SLC66A1: variants seen among roughly 807,000 people sequenced by gnomAD.
SLC66A1 encodes solute carrier family 66 member 1.
A neutral mutation model predicts 33.0 loss-of-function variants in SLC66A1; 23 were observed. That is an observed-to-expected ratio of 0.70 (90% CI 0.50 to 0.99). The LOEUF (loss-of-function observed/expected upper bound fraction) is 0.99, where lower values mean the gene tolerates loss of function less well. SLC66A1 is among the 50% of genes least tolerant of loss of function. The pLI is 0.00. For missense variants in SLC66A1, 335 were observed against 383.6 expected, an observed-to-expected ratio of 0.87 and a Z score of 1.06; for synonymous variants, 164 against 175.5, an observed-to-expected ratio of 0.93 and a Z score of 0.52.
chr1:19,323,133 C>T (rs2093846316), intron 2 of SLC66A1, among the ~76,000 whole-genome samples: 2 of 152,054 alleles, frequency 1.3e-5, no homozygotes, highest in East Asian at 1.9e-4. Context: ...CTTGCCTCAG[C>T]CTCCTGAAGT....
intron 1 of SLC66A1, among the ~76,000 whole-genome samples, 191 bp from the exon 2 acceptor site, chr1:19,317,409 T>C (rs2093811722): frequency 1.3e-5 from 2 of 152,242 alleles, no homozygotes; most frequent in Non-Finnish European, 2.9e-5. Flanking sequence ...TGTCTGTAGT[T>C]GGCGTGTGTT....
intron 2 of SLC66A1, among the ~76,000 whole-genome samples, chr1:19,322,378 C>T (rs1236777575): frequency 1.3e-5 from 2 of 152,094 alleles, no homozygotes; most frequent in African/African-American, 2.4e-5. Context: ...GGGTGGCTGC[C>T]CCCCTGGTCT....
intron 2 of SLC66A1, among the ~76,000 whole-genome samples, chr1:19,321,716 G>A (rs2093838680): frequency 6.7e-6 from 1 of 149,776 alleles, no homozygotes; most frequent in Admixed American, 6.6e-5. Context: ...ACAAGCATGT[G>A]CCACCATGCC....
intron 2 of SLC66A1, among the ~76,000 whole-genome samples, chr1:19,323,200 G>A (rs2093846538): frequency 6.6e-6 from 1 of 152,032 alleles, no homozygotes; most frequent in Non-Finnish European, 1.5e-5. Context: ...GGGATTATAG[G>A]CATAAGCCAC....
At chr1:19,330,560 A>G (rs944900337), downstream of SLC66A1, among the ~76,000 whole-genome samples, 1 of 152,234 alleles carries the variant, frequency 6.6e-6, no homozygotes. Context: ...AGGAGGGTCA[A>G]TCAGGGAGGA....
chr1:19,327,848 G>T lies in SLC66A1; in HGVS notation c.804+436G>T, dbSNP rs140989727. The T allele has an allele frequency of 1.3e-3, 446 of 344,818 alleles. 2 individuals carry two copies. Among genetic ancestry groups the T allele is most frequent in the African/African-American group, 9.1e-3 (426 of 46,798 alleles). 21.4% of individuals were successfully genotyped at this position (344,818 alleles called of 1,614,324 possible). ...ACAGAGTAGGAGAAGTCAGGCGAAG[G>T]CAGGAGAGGAATGTTCTAGGCTGTG... On this transcript the variant is annotated intron_variant, in intron 7 of 7. Coordinates refer to ENST00000375153, the MANE Select transcript of SLC66A1 (RefSeq NM_001040125.2).
At chr1:19,316,355 G>T (rs981463367) in intron 1 of SLC66A1, among the ~76,000 whole-genome samples, 1 of 54,472 alleles carries the variant, frequency 1.8e-5, no homozygotes, top group African/African-American at 7.6e-5. Context: ...TTTATGGTTT[G>T]TGTGTGTGTG....
At chr1:19,323,366 G>A (rs1027252650) in intron 2 of SLC66A1, among the ~76,000 whole-genome samples, 1 of 152,004 alleles carries the variant, frequency 6.6e-6, no homozygotes, top group East Asian at 1.9e-4. Flanking sequence ...TTGGATAATG[G>A]ATGGGATGAG....
At chr1:19,327,826 G>A in intron 7 of SLC66A1, 1 of 352,656 alleles carries the variant, frequency 2.8e-6, no homozygotes, top group Non-Finnish European at 5.7e-6. Flanking sequence ...TGACTTGACA[G>A]AGTAGGAGAA....
intron 1 of SLC66A1, among the ~76,000 whole-genome samples, chr1:19,315,814 G>A (rs1276261619): frequency 6.6e-6 from 1 of 152,192 alleles, no homozygotes; most frequent in Non-Finnish European, 1.5e-5. Context: ...GGTGTGGCAG[G>A]TGGCTATGAG....
Position 19,328,797 on chromosome 1 carries a change from T to A in SLC66A1, c.*154T>A. 1.3e-6 allele frequency: 1 copy of A among 797,108 alleles called. No homozygotes were observed. Among genetic ancestry groups the A allele is most frequent in the Non-Finnish European group, 2.0e-6 (1 of 503,610 alleles). 49.4% of individuals were successfully genotyped at this position (797,108 alleles called of 1,614,324 possible). A position where few individuals can be genotyped will look rare whatever the true frequency, so the allele number is the denominator to read the frequency against. ...GAACCGTCCCCCCAGGAACACACCT[T>A]CAGGTAGACCCCGAAGCCTCAAGGC... On this transcript the variant is annotated 3_prime_UTR_variant, in exon 8 of 8. Coordinates refer to ENST00000375153, the MANE Select transcript of SLC66A1 (RefSeq NM_001040125.2). This position sits in a 1 kb window ranked among gnomAD's most constrained non-coding sequence, Gnocchi z 4.7.
intron 1 of SLC66A1, among the ~76,000 whole-genome samples, chr1:19,315,109 A>G (rs1283339395): frequency 3.3e-5 from 5 of 152,176 alleles, no homozygotes; most frequent in Non-Finnish European, 7.3e-5. Context: ...GTGTTTCACC[A>G]TGTTGGCCAG....
rs778608487 is a variant in SLC66A1 at position 19,328,558 on chromosome 1, G to A, written c.805-14G>A. 3.0e-5 allele frequency: 48 copies of A among 1,611,828 alleles called. 1 individual carries two copies. Among genetic ancestry groups the A allele is most frequent in the Admixed American group, 2.0e-4 (12 of 59,818 alleles). ...AGTCTCTGCTCAGCTTGGCCTTAAC[G>A]GCGGCACCCCCAGATCTCCATCCAG... On this transcript the variant is annotated splice_polypyrimidine_tract_variant and intron_variant, in intron 7 of 7. Transcript: ENST00000375153. The surrounding 1 kb of genome is among the most constrained non-coding windows in gnomAD (Gnocchi z 4.7).
intron 2 of SLC66A1, among the ~76,000 whole-genome samples, chr1:19,319,630 C>T (rs1402402415): frequency 9.3e-6 from 1 of 107,044 alleles, no homozygotes; most frequent in African/African-American, 5.2e-5. Flanking sequence ...TTGCCTGGTG[C>T]AGTGGCTCAC....
At chr1:19,313,199 C>G (rs1043541457) in intron 1 of SLC66A1, 1 of 985,328 alleles carries the variant, frequency 1.0e-6, no homozygotes, top group African/African-American at 1.7e-5. Flanking sequence ...GAGTTCCAGA[C>G]TGGTAGGCAT....
downstream of SLC66A1, among the ~76,000 whole-genome samples, chr1:19,331,959 C>G (rs1057479108): frequency 7.9e-5 from 12 of 152,186 alleles, no homozygotes; most frequent in African/African-American, 2.7e-4. Context: ...GGCCTCCAAT[C>G]TGATGGGGAA....
At chr1:19,327,852 G>A in intron 7 of SLC66A1, 1 of 345,318 alleles carries the variant, frequency 2.9e-6, no homozygotes, top group South Asian at 2.2e-5. Flanking sequence ...GCGAAGGCAG[G>A]AGAGGAATGT....
At position 19,312,450 on chromosome 1, in the gene SLC66A1, G is replaced by T. The variant is rs564380433; in HGVS notation, c.-518G>T. 155 of 179,506 alleles carry T rather than the reference G, an allele frequency of 8.6e-4. 1 individual carries two copies. Among genetic ancestry groups the T allele is most frequent in the African/African-American group, 3.6e-3 (153 of 42,470 alleles). The allele number at this position is 179,506 out of a possible 1,614,324, so 11.1% of individuals were successfully genotyped here. ...CACATCCTTCCAGCCCTCTCCTCCG[G>T]CCGCTGGACTGTCCCGGCTCCTGCG... On this transcript the variant is annotated 5_prime_UTR_variant, in exon 1 of 8. Coordinates refer to ENST00000375153, the MANE Select transcript of SLC66A1 (RefSeq NM_001040125.2).
At chr1:19,317,188 C>T (rs2093810703) in intron 1 of SLC66A1, among the ~76,000 whole-genome samples, 1 of 152,232 alleles carries the variant, frequency 6.6e-6, no homozygotes, top group East Asian at 1.9e-4. Flanking sequence ...AAGGTAACAT[C>T]GAGGGCTCAG....
Sources: allele counts gnomAD v4.1 joint callset (sites outside exome capture counted in the v4.1 genomes callset), GRCh38; gene constraint gnomAD v4.1.1; non-coding constraint Gnocchi (gnomAD v3.1); transcripts MANE v1.5; gene names NCBI Gene and HGNC (gene_info 2026-07-23, HGNC 2026-07-21).